The following EIF4G2 variants were observed in gnomAD, a reference collection of about 807,000 sequenced individuals.
EIF4G2 encodes eukaryotic translation initiation factor 4 gamma 2, also known as DAP-5.
A neutral mutation model predicts 117.7 loss-of-function variants in EIF4G2; 8 were observed. That is an observed-to-expected ratio of 0.07 (90% CI 0.04 to 0.12). The LOEUF (loss-of-function observed/expected upper bound fraction) is 0.12. EIF4G2 is among the 10% of genes least tolerant of loss of function. EIF4G2 has a pLI of 1.00. For synonymous variants in EIF4G2, 413 were observed against 367.8 expected, an observed-to-expected ratio of 1.12 and a Z score of -1.41; for missense variants, 812 against 1,086.2, an observed-to-expected ratio of 0.75 and a Z score of 3.55.
intron 14 of EIF4G2, 84 bp from the exon 15 acceptor site, chr11:10,801,171 G>C: frequency 6.5e-7 from 1 of 1,542,646 alleles, no homozygotes; most frequent in Non-Finnish European, 8.7e-7. Context: ...ATCCTATACA[G>C]TGACAGAATC....
chr11:10,802,299 A>G lies in EIF4G2; in HGVS notation c.1133T>C (p.Met378Thr). 1.2e-6 allele frequency: 2 copies of G among 1,612,346 alleles called. No homozygotes were observed. Among genetic ancestry groups the G allele is most frequent in the Non-Finnish European group, 1.7e-6 (2 of 1,179,278 alleles). Residue 378 changes from methionine to threonine, a missense_variant, in exon 12 of 22, where the codon ATG becomes ACG. This residue lies in a region of EIF4G2 where 571 missense variants were observed against 642.3 expected (regional missense o/e 0.89). Transcript: ENST00000339995. ...CATTGTTTTTTCAAAATTACCTGGC[A>G]TTTGTCCAAACATATCAGCAAGTCC...
Position 10,803,504 on chromosome 11 carries a change from A to G in EIF4G2, c.789T>C (p.Pro263=), listed in dbSNP as rs1216564234. Reference sequence around the variant, plus strand: ...CCTTGGCTCGTTCATGGTCTAATCTAGGTCCCACTGTCCTCATTATCTGAC... The same window carrying G: ...CCTTGGCTCGTTCATGGTCTAATCTGGGTCCCACTGTCCTCATTATCTGAC... Residue 263 remains proline (P), a synonymous_variant, in exon 9 of 22, where the codon CCT becomes CCC. Coordinates refer to ENST00000339995, the MANE Select transcript of EIF4G2 (RefSeq NM_001418.4). The surrounding 1 kb of genome is among the most constrained non-coding windows in gnomAD (Gnocchi z 4.0). The G allele has an allele frequency of 1.9e-6, 3 of 1,614,094 alleles. No homozygotes were observed. Among genetic ancestry groups the G allele is most frequent in the South Asian group, 2.2e-5 (2 of 91,084 alleles).
At chr11:10,798,348 G>A (rs1847319532) in intron 21 of EIF4G2, among the ~76,000 whole-genome samples, 1 of 152,130 alleles carries the variant, frequency 6.6e-6, no homozygotes, top group African/African-American at 2.4e-5. Flanking sequence ...CAAATTGTGA[G>A]AAATCAGAAA....
chr11:10,797,867 T>A lies in EIF4G2; in HGVS notation c.2673A>T (p.Leu891=). 6.2e-7 allele frequency: 1 copy of A among 1,613,884 alleles called. No individual in the cohort carries two copies. The highest frequency in any genetic ancestry group is 2.2e-5 in the East Asian group (1 of 44,858). The change falls in exon 22 of 22, where the codon CTA becomes CTT. Residue 891 remains leucine (L), a synonymous_variant. Transcript: ENST00000339995. This position sits in a 1 kb window ranked among gnomAD's most constrained non-coding sequence, Gnocchi z 4.5. ...CTTCTTCAGCAGTTTCTAACCAGGTTAGCCACTGATTCACCTATAAATTAA... is the reference window on the plus strand; with the variant it reads ...CTTCTTCAGCAGTTTCTAACCAGGTAAGCCACTGATTCACCTATAAATTAA...
rs140807922 is a variant in EIF4G2, at chr11:10,800,511, T to C, written c.1781A>G (p.Asp594Gly). The change falls in exon 17 of 22, where the codon GAT becomes GGT. Residue 594 changes from aspartate to glycine, a missense_variant. Physicochemically the swap from Asp to Gly is moderately conservative, Grantham distance 94. Transcript: ENST00000339995. Reference sequence around the variant, plus strand: ...AGAACTTGCTTTTTCTTTATCTTCATCGCTTCTATCTAGTGACAGGATGAT... The same window carrying C: ...AGAACTTGCTTTTTCTTTATCTTCACCGCTTCTATCTAGTGACAGGATGAT... 9.9e-6 allele frequency: 16 copies of C among 1,614,100 alleles called. No homozygotes were observed. The African/African-American group carries it at 2.0e-4, about 20-fold the overall frequency.
chr11:10,798,086 T>C (rs1847309166), intron 21 of EIF4G2, among the ~76,000 whole-genome samples: 1 of 152,220 alleles, frequency 6.6e-6, no homozygotes, highest in African/African-American at 2.4e-5. Flanking sequence ...AGGATGATCC[T>C]CGTGAATCTT....
At chr11:10,802,903 A>G (rs566273517) in intron 11 of EIF4G2, 127 bp downstream of exon 11, 14 of 768,182 alleles carry the variant, frequency 1.8e-5, no homozygotes, top group Admixed American at 3.2e-5. Flanking sequence ...ACGAGACACT[A>G]AAAACATTAA....
chr11:10,807,409 G>A, intron 1 of EIF4G2, 28 bp from the exon 2 acceptor site: 2 of 1,580,696 alleles, frequency 1.3e-6, no homozygotes, highest in East Asian at 2.2e-5. Context: ...ACCAAAATTA[G>A]ACACTGCTAA....
At position 10,804,929 on chromosome 11, in the gene EIF4G2, T is replaced by C; in HGVS notation, c.335A>G (p.Lys112Arg). 6.2e-7 allele frequency: 1 copy of C among 1,613,958 alleles called. No individual in the cohort carries two copies. Among genetic ancestry groups the C allele is most frequent in the Non-Finnish European group, 8.5e-7 (1 of 1,179,862 alleles). Residue 112 changes from lysine (K) to arginine (R), a missense_variant, in exon 5 of 22, where the codon AAA becomes AGA. By Grantham distance (26) the Lys-to-Arg change is conservative. Around this residue, in one of 4 missense-constraint regions of EIF4G2, gnomAD observed 154 missense variants for 322.1 expected, o/e 0.48. Coordinates refer to ENST00000339995, the MANE Select transcript of EIF4G2 (RefSeq NM_001418.4). ...AAAACTTACCAGCAGTATGACCCCT[T>C]TAAGGATGAGTTTAGACTCTACACC...
Position 10,800,145 on chromosome 11 carries a change from T to C in EIF4G2, c.2064A>G (p.Glu688=). 1 of 1,614,166 alleles carries C rather than the reference T, an allele frequency of 6.2e-7. No homozygotes were observed. The highest frequency in any genetic ancestry group is 8.5e-7 in the Non-Finnish European group (1 of 1,180,010). The stretch of plus-strand genomic sequence containing the variant: ...TTTGTTGAAAAAGTTCTGTTAACCA[T>C]TCTCGATCTTGTAATTTAGCTAACT... Residue 688 remains glutamate (E), a synonymous_variant, in exon 18 of 22, where the codon GAA becomes GAG. Transcript: ENST00000339995.
At position 10,799,709 on chromosome 11, in the gene EIF4G2, C is replaced by T; in HGVS notation, c.2167G>A (p.Gly723Arg). The T allele has an allele frequency of 6.2e-7, 1 of 1,614,024 alleles. No individual in the cohort carries two copies. The highest frequency in any genetic ancestry group is 8.5e-7 in the Non-Finnish European group (1 of 1,179,990). Residue 723 changes from glycine to arginine, a missense_variant, in exon 19 of 22, where the codon GGA (glycine) becomes AGA (arginine). Transcript: ENST00000339995. ...AGGAGTGGGAATAAGAAACTCAGTC[C>T]CTTTCCTTCCAAAATCTCCAACATG...
intron 19 of EIF4G2, 56 bp from the exon 20 acceptor site, chr11:10,799,480 C>T: frequency 6.2e-7 from 1 of 1,609,562 alleles, no homozygotes; most frequent in Non-Finnish European, 8.5e-7. Flanking sequence ...GCTCAAGAGA[C>T]AACTCTTAGT....
intron 5 of EIF4G2, chr11:10,804,673 C>CG: frequency 1.7e-6 from 1 of 599,886 alleles, no homozygotes. Context: ...AGAAAAAGAA[C>CG]AGCTTGCTAA....
chr11:10,807,030 C>T, intron 2 of EIF4G2, 145 bp from the exon 3 acceptor site: 1 of 1,127,624 alleles, frequency 8.9e-7, no homozygotes. Context: ...TATTTTAGTG[C>T]TTGTATATTA....
In EIF4G2 at chr11:10,803,173, A is replaced by C; in HGVS notation, c.897+38T>G. The C allele has an allele frequency of 6.2e-7, 1 of 1,607,446 alleles. No individual in the cohort carries two copies. Among genetic ancestry groups the C allele is most frequent in the Non-Finnish European group, 8.5e-7 (1 of 1,177,910 alleles). On this transcript the variant is annotated intron_variant, in intron 10 of 21. Transcript: ENST00000339995. The surrounding 1 kb of genome is among the most constrained non-coding windows in gnomAD (Gnocchi z 4.0). ...TTATTTTAATATTCCTAAACCAAAA[A>C]CTCAGCTTACCAACAAATTTAAAGA...
intron 3 of EIF4G2, 90 bp from the exon 4 acceptor site, chr11:10,806,137 G>A: frequency 1.9e-6 from 3 of 1,559,348 alleles, no homozygotes; most frequent in Non-Finnish European, 2.6e-6. Context: ...AGTAATTTAG[G>A]CTTTCTCGAC....
At position 10,800,309 on chromosome 11, in the gene EIF4G2, C is replaced by T. The variant is rs1238892766; in HGVS notation, c.1900G>A (p.Val634Ile). ...TAGGATTTCACCAAAGGGATGTCAACCTCCAGTTTGGGACACTGGTCCAAT... is the reference window on the plus strand; with the variant it reads ...TAGGATTTCACCAAAGGGATGTCAATCTCCAGTTTGGGACACTGGTCCAAT... The change falls in exon 18 of 22, where the codon GTT becomes ATT. Residue 634 changes from valine (V) to isoleucine (I), a missense_variant. By Grantham distance (29) the Val-to-Ile change is conservative (BLOSUM62 3). Coordinates refer to ENST00000339995, the MANE Select transcript of EIF4G2 (RefSeq NM_001418.4). The T allele has an allele frequency of 1.2e-6, 2 of 1,614,044 alleles. No individual in the cohort carries two copies. Among genetic ancestry groups the T allele is most frequent in the African/African-American group, 1.3e-5 (1 of 74,902 alleles).
In EIF4G2 at chr11:10,799,862, T is replaced by G. The variant is rs1004643169; in HGVS notation, c.2120-106A>C. On this transcript the variant is annotated intron_variant, in intron 18 of 21. Transcript: ENST00000339995. ...GATGTCCCCAAGTATGTAAGATCCA[T>G]GTAGCAGAATAGAGAACCAACCCAG... 3 of 1,355,874 alleles carry G rather than the reference T, an allele frequency of 2.2e-6. No homozygotes were observed. In the African/African-American group the frequency reaches 4.4e-5, roughly 20 times the overall value. The allele number at this position is 1,355,874 out of a possible 1,614,324, so 84.0% of individuals were successfully genotyped here.
rs990417341 is a variant in EIF4G2 at position 10,801,437 on chromosome 11, G to A, written c.1413+224C>T. 5 of 683,612 alleles carry A rather than the reference G, an allele frequency of 7.3e-6. No homozygotes were observed. In the African/African-American group the frequency reaches 9.0e-5, roughly 12 times the overall value. The allele number at this position is 683,612 out of a possible 1,614,324, so 42.3% of individuals were successfully genotyped here. On this transcript the variant is annotated intron_variant, in intron 14 of 21. Coordinates refer to ENST00000339995, the MANE Select transcript of EIF4G2 (RefSeq NM_001418.4). Reference sequence around the variant, plus strand: ...AGAAACCACAATATTTTGACAACCAGTTTTCTTGCTCTAACAGACTTTAGG... The same window carrying A: ...AGAAACCACAATATTTTGACAACCAATTTTCTTGCTCTAACAGACTTTAGG...
Sources: gnomAD v4.1 joint callset for allele counts (sites outside exome capture counted in the v4.1 genomes callset) on GRCh38, gnomAD v4.1.1 for gene constraint, gnomAD v4.1.1 regional missense constraint, Gnocchi (gnomAD v3.1) non-coding constraint, MANE v1.5 for transcripts, NCBI Gene and HGNC (gene_info 2026-07-23, HGNC 2026-07-21) for gene names.